Variants in ADGRB3 observed in about 807,000 individuals in gnomAD.
The protein encoded by ADGRB3 is brain-specific angiogenesis inhibitor 3.
A neutral mutation model predicts 193.4 loss-of-function variants in ADGRB3; 37 were observed. The ratio of observed to expected loss-of-function variants is 0.19; its 90% confidence interval spans 0.15 to 0.25. The LOEUF (loss-of-function observed/expected upper bound fraction) is 0.25. ADGRB3 is among the 10% of genes least tolerant of loss of function. The pLI, the probability that ADGRB3 is intolerant of heterozygous loss-of-function variation, is 1.00. For synonymous variants in ADGRB3, 690 were observed against 644.2 expected (o/e 1.07, Z -1.08); for missense variants, 1,637 against 1,852.9 (o/e 0.88, Z 2.14).
intron 11 of ADGRB3, among the ~76,000 whole-genome samples, chr6:69,008,331 T>C (rs1769834049): frequency 6.6e-6 from 1 of 152,176 alleles, no homozygotes; most frequent in African/African-American, 2.4e-5. Context: ...AGAGAAGGCA[T>C]TCAATGACTA....
intron 30 of ADGRB3, among the ~76,000 whole-genome samples, chr6:69,382,477 G>T (rs1699596963): frequency 6.6e-6 from 1 of 151,896 alleles, no homozygotes; most frequent in Non-Finnish European, 1.5e-5. Context: ...TGCTTTACAA[G>T]TTTAAGTTTT....
chr6:69,085,818 T>G (rs1245678133), intron 17 of ADGRB3, among the ~76,000 whole-genome samples: 1 of 151,704 alleles, frequency 6.6e-6, no homozygotes, highest in Non-Finnish European at 1.5e-5. Context: ...TACTAATATA[T>G]TTATCTAATT....
intron 17 of ADGRB3, among the ~76,000 whole-genome samples, chr6:69,121,382 A>G (rs1482785040): frequency 1.3e-5 from 2 of 152,232 alleles, no homozygotes; most frequent in Non-Finnish European, 2.9e-5. Context: ...ACAGAACAAA[A>G]TGGAGTCTCC....
chr6:68,899,641 A>G (rs1766337863), intron 3 of ADGRB3, among the ~76,000 whole-genome samples: 1 of 152,044 alleles, frequency 6.6e-6, no homozygotes, highest in Non-Finnish European at 1.5e-5. Context: ...TTATGGCTGC[A>G]TAGTATTCCA....
chr6:69,246,877 G>T (rs1175242482), intron 20 of ADGRB3, among the ~76,000 whole-genome samples: 1 of 152,124 alleles, frequency 6.6e-6, no homozygotes, highest in Non-Finnish European at 1.5e-5. Context: ...CAGAACACGA[G>T]TCTCAGCCTA....
chr6:68,840,530 C>T (rs952433586), intron 3 of ADGRB3, among the ~76,000 whole-genome samples: 9 of 151,414 alleles, frequency 5.9e-5, no homozygotes, highest in Admixed American at 4.6e-4. Flanking sequence ...TCAAGTAGCT[C>T]GGACAGCCTG....
chr6:68,878,898 A>G (rs1024294695), intron 3 of ADGRB3, among the ~76,000 whole-genome samples: 2 of 152,170 alleles, frequency 1.3e-5, no homozygotes, highest in African/African-American at 4.8e-5. Flanking sequence ...AGCTTGTGCA[A>G]GGAAACTCTC....
chr6:69,294,988 G>A (rs547558192), intron 20 of ADGRB3, among the ~76,000 whole-genome samples: 13 of 152,186 alleles, frequency 8.5e-5, no homozygotes, highest in African/African-American at 2.2e-4. Flanking sequence ...ATTTGGTGAC[G>A]TTCTGTCATT....
In ADGRB3 at chr6:68,891,657, A is replaced by C. The variant is rs539948192; in HGVS notation, c.758-38902A>C. Among the ~76,000 whole-genome samples the C allele has an allele frequency of 2.0e-5, 3 of 152,306 alleles. No individual in the cohort carries two copies. In the South Asian group the frequency reaches 6.2e-4, roughly 32 times the overall value. On this transcript the variant is annotated intron_variant, in intron 3 of 31. Transcript: ENST00000370598. ...AAAATAGAGGGTTCAGGTTTAGTTA[A>C]TACTCATGAGGAAAACAAAACACTT... is the stretch of plus-strand genomic sequence containing the variant.
intron 17 of ADGRB3, among the ~76,000 whole-genome samples, chr6:69,147,093 C>T (rs72921213): frequency 0.041 from 6,266 of 151,736 alleles, 183 homozygotes; most frequent in Non-Finnish European, 0.065. Flanking sequence ...TAAAAAAACA[C>T]TTTTTGTTGC....
rs560395441 is a variant in ADGRB3 at position 69,272,893 on chromosome 6, T to A, written c.2814+33667T>A. On this transcript the variant is annotated intron_variant, in intron 20 of 31. Coordinates refer to ENST00000370598, the MANE Select transcript of ADGRB3 (RefSeq NM_001704.3). ...GAGATGTCTTTATCTATTTGCTTTA[T>A]TACCATTTTTGTTTTGTTTTGTTTG... Among the ~76,000 whole-genome samples, 6 of 152,274 alleles carry A rather than the reference T, an allele frequency of 3.9e-5. No homozygotes were observed. In the South Asian group the frequency reaches 1.2e-3, roughly 32 times the overall value.
chr6:68,944,079 AC>A, intron 6 of ADGRB3, 85 bp downstream of exon 6: 1 of 1,376,568 alleles, frequency 7.3e-7, no homozygotes, highest in Non-Finnish European at 9.8e-7. Flanking sequence ...TAAGAGTACA[AC>A]CTTCATTCAG....
intron 3 of ADGRB3, among the ~76,000 whole-genome samples, chr6:68,884,529 GT>G (rs1232270965): frequency 1.3e-5 from 2 of 152,148 alleles, no homozygotes; most frequent in East Asian, 3.9e-4. Context: ...AGAGGAAAAA[GT>G]TAACAGAAAA....
intron 10 of ADGRB3, among the ~76,000 whole-genome samples, chr6:68,978,842 A>G (rs1399070868): frequency 6.6e-6 from 1 of 151,406 alleles, no homozygotes; most frequent in East Asian, 1.9e-4. Flanking sequence ...TCATTCAATA[A>G]TAATTAATTA....
At chr6:68,792,940 T>G (rs1355724000) in intron 3 of ADGRB3, among the ~76,000 whole-genome samples, 3 of 152,220 alleles carry the variant, frequency 2.0e-5, no homozygotes, top group Non-Finnish European at 4.4e-5. Context: ...TCAGGAAGCA[T>G]ATTTCTGGCC....
At chr6:68,942,435 A>T (rs942284274) in intron 5 of ADGRB3, among the ~76,000 whole-genome samples, 1 of 152,160 alleles carries the variant, frequency 6.6e-6, no homozygotes, top group Non-Finnish European at 1.5e-5. Context: ...AACTTCTAAG[A>T]GTATAGCAAG....
At chr6:68,932,439 G>A (rs1332447728) in intron 4 of ADGRB3, among the ~76,000 whole-genome samples, 1 of 151,998 alleles carries the variant, frequency 6.6e-6, no homozygotes, top group African/African-American at 2.4e-5. Flanking sequence ...TGTTTTCCTA[G>A]TAAGGAATTA....
rs1398161185 is a variant in ADGRB3, at chr6:68,636,469, T to TAAAA, written c.-188+472_-188+473insAAAA. Among the ~76,000 whole-genome samples, 82 of 151,598 alleles carry TAAAA rather than the reference T, an allele frequency of 5.4e-4. 1 individual carries two copies. Among genetic ancestry groups the TAAAA allele is most frequent in the African/African-American group, 2.0e-3 (81 of 41,372 alleles). On this transcript the variant is annotated intron_variant, in intron 1 of 31. Coordinates refer to ENST00000370598, the MANE Select transcript of ADGRB3 (RefSeq NM_001704.3). ...ATAAATAAATAAATAAATAAATAAA[T>TAAAA]AAATAAATAAAACATCCTTGACACC...
intron 17 of ADGRB3, among the ~76,000 whole-genome samples, chr6:69,172,129 CAT>C (rs1775285747): frequency 6.6e-6 from 1 of 152,180 alleles, no homozygotes; most frequent in East Asian, 1.9e-4. Flanking sequence ...TGGGGGCTAT[CAT>C]ATGAGCTTTG....
Sources: allele counts gnomAD v4.1 joint callset (sites outside exome capture counted in the v4.1 genomes callset), GRCh38; gene constraint gnomAD v4.1.1; transcripts MANE v1.5; gene names NCBI Gene and HGNC (gene_info 2026-07-23, HGNC 2026-07-21).